Variants in SLC7A6 observed in about 807,000 individuals in gnomAD.
The protein encoded by SLC7A6 is Y+L amino acid transporter 2.
Under a neutral mutation model 46.6 loss-of-function variants are expected in SLC7A6, and 29 were observed. The observed-to-expected ratio is 0.62, with a 90% confidence interval of 0.46 to 0.85. SLC7A6 has a LOEUF of 0.85. Among genes scored for constraint, SLC7A6 ranks in the 40% least tolerant of loss-of-function variants. SLC7A6 has a pLI of 0.00. For synonymous variants in SLC7A6, 276 were observed against 257.3 expected, an observed-to-expected ratio of 1.07 and a Z score of -0.70; for missense variants, 527 against 647.6, an observed-to-expected ratio of 0.81 and a Z score of 2.02.
rs998351811 is a variant in SLC7A6, at chr16:68,283,156, CAT to C, written c.524-4587_524-4586del. 2.0e-4 allele frequency among the ~76,000 whole-genome samples: 31 copies of C among 152,206 alleles called. 2 individuals carry two copies. Among genetic ancestry groups the C allele is most frequent in the Admixed American group, 6.5e-5 (1 of 15,280 alleles). ...AAAGGCACAGTTCTGCGAGAGGGTG[CAT>C]ATGTTATTCACTATTAACTTGGGTT... On this transcript the variant is annotated intron_variant, in intron 3 of 10. Transcript: ENST00000219343.
At chr16:68,277,434 G>A (rs1000410020) in intron 3 of SLC7A6, among the ~76,000 whole-genome samples, 5 of 151,494 alleles carry the variant, frequency 3.3e-5, no homozygotes, top group Admixed American at 6.6e-5. Flanking sequence ...TCAGCCTCCC[G>A]AGTAGCCCGG....
In SLC7A6 at chr16:68,297,327, A is replaced by T; in HGVS notation, c.1547A>T (p.Ter516LeuextTer7). Residue 516 changes from the stop codon to leucine (L), a stop_lost, in exon 11 of 11, where the codon TAG becomes TTG. Coordinates refer to ENST00000219343, the MANE Select transcript of SLC7A6 (RefSeq NM_003983.6). ...EEKKDERKTD[*>L] ...AAAAAGGATGAGAGGAAAACTGACT[A>T]GAGGTCAGAGGTGGCTTTCTGAGGC... is the stretch of plus-strand genomic sequence containing the variant. 1 of 1,613,902 alleles carries T rather than the reference A, an allele frequency of 6.2e-7. No individual in the cohort carries two copies. Among genetic ancestry groups the T allele is most frequent in the East Asian group, 2.2e-5 (1 of 44,882 alleles).
intron 4 of SLC7A6, among the ~76,000 whole-genome samples, chr16:68,288,083 G>C (rs1223845550): frequency 6.6e-6 from 1 of 152,182 alleles, no homozygotes; most frequent in Non-Finnish European, 1.5e-5. Context: ...CTCAGGGCTG[G>C]TTTCCTTTGG....
At chr16:68,297,083 G>T in intron 10 of SLC7A6, 151 bp from the exon 11 acceptor site, 1 of 732,398 alleles carries the variant, frequency 1.4e-6, no homozygotes, top group South Asian at 1.9e-5. Context: ...AGAGGATGAT[G>T]AGGCTTGTTG....
intron 2 of SLC7A6, among the ~76,000 whole-genome samples, chr16:68,267,966 A>T (rs995716277): frequency 5.3e-5 from 8 of 152,194 alleles, no homozygotes; most frequent in African/African-American, 1.9e-4. Context: ...GGACATGTGG[A>T]GGTTCCTGGA....
intron 7 of SLC7A6, among the ~76,000 whole-genome samples, chr16:68,293,925 T>A (rs1293650798): frequency 6.6e-6 from 1 of 151,980 alleles, no homozygotes; most frequent in Non-Finnish European, 1.5e-5. Context: ...GAGATGGAGT[T>A]TTACTCTTGT....
rs779979792 is a variant in SLC7A6 at position 68,301,302 on chromosome 16, G to A, written c.*3974G>A. On this transcript the variant is annotated 3_prime_UTR_variant, in exon 11 of 11. Coordinates refer to ENST00000219343, the MANE Select transcript of SLC7A6 (RefSeq NM_003983.6). ...AGTCTGAATCCAGGTCGTGGGGGCT[G>A]TCATAGCCGAACTCCTTCTGCACAT... is the stretch of plus-strand genomic sequence containing the variant. 4 of 1,614,064 alleles carry A rather than the reference G, an allele frequency of 2.5e-6. No homozygotes were observed. Among genetic ancestry groups the A allele is most frequent in the Middle Eastern group, 3.3e-4 (2 of 6,060 alleles).
chr16:68,272,066 G>C (rs1214667583), intron 2 of SLC7A6, among the ~76,000 whole-genome samples: 1 of 152,162 alleles, frequency 6.6e-6, no homozygotes, highest in Non-Finnish European at 1.5e-5. Context: ...GCCTCCCAAA[G>C]TGCTGGGATT....
chr16:68,278,945 C>T (rs1392871156), intron 3 of SLC7A6, among the ~76,000 whole-genome samples: 1 of 151,994 alleles, frequency 6.6e-6, no homozygotes, highest in Non-Finnish European at 1.5e-5. Context: ...AGGCGCCCCC[C>T]ACCTCCCTCC....
intron 2 of SLC7A6, among the ~76,000 whole-genome samples, chr16:68,269,979 A>C (rs1316015160): frequency 6.6e-6 from 1 of 152,062 alleles, no homozygotes; most frequent in Admixed American, 6.6e-5. Flanking sequence ...TATGTTGCCC[A>C]GGCTAGTCTC....
chr16:68,300,568 CCT>C lies in SLC7A6; in HGVS notation c.*3241_*3242del, dbSNP rs535490788. 836 of 958,116 alleles carry C rather than the reference CCT, an allele frequency of 8.7e-4. 8 individuals carry two copies. The South Asian group carries it at 0.018, about 21-fold the overall frequency. The allele number at this position is 958,116 out of a possible 1,614,324, so 59.4% of individuals were successfully genotyped here. ...TGAACCTTCTATTTCACTACCGCTC[CCT>C]GTTTTAGATATTCAGATTTAAAAGG... is the stretch of plus-strand genomic sequence containing the variant. On this transcript the variant is annotated 3_prime_UTR_variant, in exon 11 of 11. Transcript: ENST00000219343.
intron 2 of SLC7A6, among the ~76,000 whole-genome samples, chr16:68,270,958 A>T (rs1342030801): frequency 2.6e-5 from 4 of 151,176 alleles, no homozygotes. Flanking sequence ...TCCTTGGCTC[A>T]AGAAATACTC....
chr16:68,281,833 T>C (rs2042834382), intron 3 of SLC7A6, among the ~76,000 whole-genome samples: 2 of 152,232 alleles, frequency 1.3e-5, no homozygotes, highest in Admixed American at 6.5e-5. Context: ...CTTATACACA[T>C]CAATGGAAAG....
chr16:68,264,546 G>C lies in SLC7A6; in HGVS notation c.-196G>C, dbSNP rs892845980. On this transcript the variant is annotated 5_prime_UTR_variant, in exon 1 of 11. Transcript: ENST00000219343. This position sits in a 1 kb window ranked among gnomAD's most constrained non-coding sequence, Gnocchi z 5.8. ...CTGCCGCGGCGGCGGCGGCGCGACCGAGCATCCTGGCGGCGCCGGGCCACT... is the reference window on the plus strand; with the variant it reads ...CTGCCGCGGCGGCGGCGGCGCGACCCAGCATCCTGGCGGCGCCGGGCCACT... 4 of 151,542 alleles carry C rather than the reference G, an allele frequency of 2.6e-5. No individual in the cohort carries two copies. The highest frequency in any genetic ancestry group is 9.7e-5 in the African/African-American group (4 of 41,312). The allele number at this position is 151,542 out of a possible 1,614,324, so 9.4% of individuals were successfully genotyped here.
rs570937023 is a variant in SLC7A6 at position 68,285,834 on chromosome 16, C to A, written c.524-1912C>A. ...ACGTGGCCAGGCATAGTGGCTCATG[C>A]CTGTAATCCTAATATGGGAGGCTGA... is the stretch of plus-strand genomic sequence containing the variant. On this transcript the variant is annotated intron_variant, in intron 3 of 10. Coordinates refer to ENST00000219343, the MANE Select transcript of SLC7A6 (RefSeq NM_003983.6). Among the ~76,000 whole-genome samples the A allele has an allele frequency of 3.7e-4, 56 of 152,058 alleles. 2 individuals carry two copies. The South Asian group carries it at 0.011, about 29-fold the overall frequency.
At chr16:68,282,193 G>T (rs929184555) in intron 3 of SLC7A6, among the ~76,000 whole-genome samples, 4 of 152,158 alleles carry the variant, frequency 2.6e-5, no homozygotes, top group Non-Finnish European at 5.9e-5. Flanking sequence ...ACTGGGTCTT[G>T]ATCATAGTTG....
At chr16:68,282,181 GGACTGGGTCTT>G (rs2042840706) in intron 3 of SLC7A6, among the ~76,000 whole-genome samples, 1 of 152,188 alleles carries the variant, frequency 6.6e-6, no homozygotes, top group Admixed American at 6.5e-5. Context: ...GGGCTAGGGA[GGACTGGGTCTT>G]GATCATAGTT....
At chr16:68,265,861 A>C (rs1296414783) in intron 1 of SLC7A6, 2 of 152,024 alleles carry the variant, frequency 1.3e-5, no homozygotes, top group Admixed American at 1.3e-4. Flanking sequence ...TTTTTATTGC[A>C]TATACCGGTT....
chr16:68,289,270 G>A (rs2043000392), intron 4 of SLC7A6, among the ~76,000 whole-genome samples: 1 of 152,004 alleles, frequency 6.6e-6, no homozygotes, highest in South Asian at 2.1e-4. Context: ...TCCAGCCTGG[G>A]CAACAAGAAC....
Sources: gnomAD v4.1 joint callset for allele counts (sites outside exome capture counted in the v4.1 genomes callset) on GRCh38, gnomAD v4.1.1 for gene constraint, Gnocchi (gnomAD v3.1) non-coding constraint, MANE v1.5 for transcripts, NCBI Gene and HGNC (gene_info 2026-07-23, HGNC 2026-07-21) for gene names.